DOCK5: variants seen among roughly 807,000 people sequenced by gnomAD.
The protein encoded by DOCK5 is dedicator of cytokinesis 5, also known as dedicator of cytokinesis protein 5.
Under a neutral mutation model 251.8 loss-of-function variants are expected in DOCK5, and 142 were observed. The ratio of observed to expected loss-of-function variants is 0.56; its 90% CI spans 0.49 to 0.65. The LOEUF is 0.65. DOCK5 is among the 30% of genes least tolerant of loss of function. The pLI, the probability that DOCK5 is intolerant of heterozygous loss-of-function variation, is 0.00. For synonymous variants in DOCK5, 842 were observed against 835.5 expected, an observed-to-expected ratio of 1.01 and a Z score of -0.13; for missense variants, 2,111 against 2,312.3, an observed-to-expected ratio of 0.91 and a Z score of 1.79.
intron 7 of DOCK5, 62 bp downstream of exon 7, chr8:25,296,710 TGAAA>T: frequency 1.3e-6 from 2 of 1,587,110 alleles, no homozygotes; most frequent in Non-Finnish European, 1.7e-6. Context: ...TGGTTTTTAA[TGAAA>T]GAAAGGGAAA....
At chr8:25,231,370 C>T (rs963555850) in intron 1 of DOCK5, among the ~76,000 whole-genome samples, 4 of 152,124 alleles carry the variant, frequency 2.6e-5, no homozygotes, top group Non-Finnish European at 5.9e-5. Flanking sequence ...GACATATTTC[C>T]TGGTACACTT....
chr8:25,362,462 CTTTTTTTTTTTTT>C (rs869096662), intron 28 of DOCK5, among the ~76,000 whole-genome samples: 1 of 54,646 alleles, frequency 1.8e-5, no homozygotes, highest in African/African-American at 5.8e-5. Context: ...CTTTTCTTTT[CTTTTTTTTTTTTT>C]TTTTTTTTTG....
At chr8:25,305,303 A>T (rs1014319252) in intron 11 of DOCK5, 1 of 152,162 alleles carries the variant, frequency 6.6e-6, no homozygotes, top group Non-Finnish European at 1.5e-5. Flanking sequence ...AAAAAAAAAA[A>T]AAAAGGTTTT....
chr8:25,377,481 A>G, intron 38 of DOCK5, 57 bp downstream of exon 38: 1 of 1,562,742 alleles, frequency 6.4e-7, no homozygotes, highest in Non-Finnish European at 8.7e-7. Flanking sequence ...GCAGTATCGC[A>G]ATACAATTCT....
At chr8:25,368,109 C>A in intron 31 of DOCK5, 83 bp from the exon 32 acceptor site, 1 of 1,092,080 alleles carries the variant, frequency 9.2e-7, no homozygotes, top group Non-Finnish European at 1.4e-6. Context: ...GAGACACAGA[C>A]TGTTTTTACT....
intron 1 of DOCK5, among the ~76,000 whole-genome samples, chr8:25,202,477 A>T (rs1308600491): frequency 6.6e-6 from 1 of 152,198 alleles, no homozygotes; most frequent in Non-Finnish European, 1.5e-5. Context: ...AAACTAACGG[A>T]AATGTTTTGA....
Position 25,358,463 on chromosome 8 carries a change from G to A in DOCK5, c.2851-500G>A, listed in dbSNP as rs760039050. 2.6e-5 allele frequency among the ~76,000 whole-genome samples: 4 copies of A among 152,096 alleles called. No homozygotes were observed. The East Asian group carries it at 5.8e-4, about 22-fold the overall frequency. ...TACAATTCAAGATGAGATTTGGGTGGGGACACAGCCAAAGCATATCACAGG... is the reference window on the plus strand; with the variant it reads ...TACAATTCAAGATGAGATTTGGGTGAGGACACAGCCAAAGCATATCACAGG... On this transcript the variant is annotated intron_variant, in intron 27 of 51. Coordinates refer to ENST00000276440, the MANE Select transcript of DOCK5 (RefSeq NM_024940.8).
At chr8:25,215,516 G>T (rs1802222307) in intron 1 of DOCK5, among the ~76,000 whole-genome samples, 1 of 152,084 alleles carries the variant, frequency 6.6e-6, no homozygotes, top group African/African-American at 2.4e-5. Flanking sequence ...TGTCCACTAT[G>T]TGACAGTTGC....
At chr8:25,264,833 A>G (rs1002123257) in intron 2 of DOCK5, among the ~76,000 whole-genome samples, 2 of 143,110 alleles carry the variant, frequency 1.4e-5, no homozygotes, top group Non-Finnish European at 3.0e-5. Flanking sequence ...TCAAAAAACA[A>G]AAAACAACAA....
intron 26 of DOCK5, among the ~76,000 whole-genome samples, chr8:25,346,914 C>T (rs1234871005): frequency 6.6e-6 from 1 of 152,092 alleles, no homozygotes; most frequent in Admixed American, 6.5e-5. Context: ...GCAGAGCCCC[C>T]ACACAGGAAG....
intron 1 of DOCK5, among the ~76,000 whole-genome samples, chr8:25,230,633 T>A (rs549714220): frequency 6.6e-6 from 1 of 152,090 alleles, no homozygotes; most frequent in Non-Finnish European, 1.5e-5. Flanking sequence ...GGAGGATTGC[T>A]TGAGCCCAGG....
chr8:25,290,212 A>G (rs1351382117), intron 5 of DOCK5, among the ~76,000 whole-genome samples: 1 of 152,224 alleles, frequency 6.6e-6, no homozygotes, highest in Non-Finnish European at 1.5e-5. Flanking sequence ...GACATCAATC[A>G]TTTAGGTCAG....
In DOCK5 at chr8:25,302,350, G is replaced by A. The variant is rs568941003; in HGVS notation, c.872G>A (p.Arg291Gln). 35 of 1,612,912 alleles carry A rather than the reference G, an allele frequency of 2.2e-5. No individual in the cohort carries two copies. Among genetic ancestry groups the A allele is most frequent in the Admixed American group, 1.0e-4 (6 of 59,816 alleles). The change falls in exon 10 of 52, where the codon CGG becomes CAG. Residue 291 changes from arginine (R) to glutamine (Q), a missense_variant. Transcript: ENST00000276440. ...GACCTTAGCAGCATGGACCTCATCCGGCCCCGCGTCAGCCTTGTGTGCCAG... is the reference window on the plus strand; with the variant it reads ...GACCTTAGCAGCATGGACCTCATCCAGCCCCGCGTCAGCCTTGTGTGCCAG... ...FTDLSSMDLI[R>Q]PRVSLVCQIV...
intron 1 of DOCK5, among the ~76,000 whole-genome samples, chr8:25,231,115 A>T (rs1802658242): frequency 6.6e-6 from 1 of 151,752 alleles, no homozygotes; most frequent in Non-Finnish European, 1.5e-5. Context: ...ATGCAAATTC[A>T]TTTCACTTAG....
At chr8:25,399,047 C>A (rs757620400) in intron 45 of DOCK5, among the ~76,000 whole-genome samples, 1 of 152,066 alleles carries the variant, frequency 6.6e-6, no homozygotes, top group Non-Finnish European at 1.5e-5. Context: ...AGCAGAAGAC[C>A]GAAGGGGAAT....
intron 10 of DOCK5, among the ~76,000 whole-genome samples, chr8:25,303,745 T>C (rs1325046467): frequency 6.6e-6 from 1 of 152,140 alleles, no homozygotes; most frequent in Admixed American, 6.5e-5. Flanking sequence ...GCAGATCATC[T>C]GAGGTCAGGA....
intron 11 of DOCK5, among the ~76,000 whole-genome samples, chr8:25,308,520 T>C: frequency 6.6e-6 from 1 of 152,198 alleles, no homozygotes; most frequent in East Asian, 1.9e-4. Context: ...GAGTGTTGCC[T>C]CTGATTTTAG....
intron 3 of DOCK5, among the ~76,000 whole-genome samples, chr8:25,272,040 C>T (rs1803925802): frequency 6.6e-6 from 1 of 152,098 alleles, no homozygotes; most frequent in Non-Finnish European, 1.5e-5. Flanking sequence ...TACATACATA[C>T]ATATTTGAGA....
intron 1 of DOCK5, among the ~76,000 whole-genome samples, chr8:25,221,030 C>T (rs1454344091): frequency 6.6e-6 from 1 of 152,132 alleles, no homozygotes; most frequent in Admixed American, 6.5e-5. Flanking sequence ...TCAAATTTCC[C>T]TGTTTCTTAG....
Sources: allele counts gnomAD v4.1 joint callset (sites outside exome capture counted in the v4.1 genomes callset), GRCh38; gene constraint gnomAD v4.1.1; transcripts MANE v1.5; gene names NCBI Gene and HGNC (gene_info 2026-07-23, HGNC 2026-07-21).